ZFHX4: variants seen among roughly 807,000 people sequenced by gnomAD.
The protein encoded by ZFHX4 is zinc finger homeobox 4.
In ZFHX4, 56 loss-of-function variants were observed where a neutral mutation model predicts 267.6. The observed-to-expected ratio is 0.21, with a 90% CI of 0.17 to 0.26. The LOEUF is 0.26. ZFHX4 is among the 10% of genes least tolerant of loss of function. ZFHX4 has a pLI of 1.00. For synonymous variants in ZFHX4, 1,778 were observed against 1,665.6 expected, an observed-to-expected ratio of 1.07 and a Z score of -1.64; for missense variants, 4,332 against 4,420.0, an observed-to-expected ratio of 0.98 and a Z score of 0.56.
intron 4 of ZFHX4, among the ~76,000 whole-genome samples, chr8:76,825,388 A>G (rs10957819): frequency 0.038 from 5,774 of 152,316 alleles, 169 homozygotes; most frequent in African/African-American, 0.08. Context: ...CTGGGATTCA[A>G]GCCCAAGTGT....
At chr8:76,830,159 ATGT>A (rs1457919141) in intron 4 of ZFHX4, among the ~76,000 whole-genome samples, 1 of 152,178 alleles carries the variant, frequency 6.6e-6, no homozygotes, top group Non-Finnish European at 1.5e-5. Flanking sequence ...ATTCTGTAAA[ATGT>A]TGTTGTTGAT....
In ZFHX4 at chr8:76,681,428, G is replaced by A; in HGVS notation, c.-239G>A. 1 of 398,172 alleles carries A rather than the reference G, an allele frequency of 2.5e-6. No homozygotes were observed. The highest frequency in any genetic ancestry group is 3.6e-5 in the East Asian group (1 of 28,020). 24.7% of individuals were successfully genotyped at this position (398,172 alleles called of 1,614,324 possible). A position where few individuals can be genotyped will look rare whatever the true frequency, so the allele number is the denominator to read the frequency against. ...CTTTAACTCCTCCCGGACCCCCGAG[G>A]ACCGCTCCATGCCCCCCACTTTCTG... On this transcript the variant is annotated 5_prime_UTR_variant, in exon 1 of 11. Transcript: ENST00000651372.
intron 3 of ZFHX4, among the ~76,000 whole-genome samples, chr8:76,712,309 A>G (rs1350542386): frequency 6.6e-6 from 1 of 152,154 alleles, no homozygotes; most frequent in East Asian, 1.9e-4. Context: ...AGGCCCACAG[A>G]GGAGAATGCA....
Position 76,854,866 on chromosome 8 carries a change from G to C in ZFHX4, c.7945G>C (p.Val2649Leu), listed in dbSNP as rs1812667708. 2 of 1,611,466 alleles carry C rather than the reference G, an allele frequency of 1.2e-6. No homozygotes were observed. The highest frequency in any genetic ancestry group is 1.7e-5 in the Admixed American group (1 of 59,598). Residue 2649 changes from valine to leucine, a missense_variant, in exon 10 of 11, where the codon GTG becomes CTG. This residue lies in a region of ZFHX4 where 1,648 missense variants were observed against 1,625.0 expected (regional missense o/e 1.01). Transcript: ENST00000651372. ...CGAAGTCGGGCTGAAAAAAAGGGTC[G>C]TGCAAGTCTGGTTCCAGAATACACG... ...AREVGLKKRV[V>L]QVWFQNTRAR...
At chr8:76,747,984 C>T (rs749175582) in intron 3 of ZFHX4, among the ~76,000 whole-genome samples, 1 of 152,028 alleles carries the variant, frequency 6.6e-6, no homozygotes, top group Non-Finnish European at 1.5e-5. Flanking sequence ...ATAAAAATCC[C>T]TGTTTCTGTA....
At chr8:76,743,780 G>T (rs1202120704) in intron 3 of ZFHX4, among the ~76,000 whole-genome samples, 1 of 152,122 alleles carries the variant, frequency 6.6e-6, no homozygotes, top group African/African-American at 2.4e-5. Context: ...TAAGAAACTG[G>T]CAAGTCTAGA....
intron 4 of ZFHX4, among the ~76,000 whole-genome samples, chr8:76,805,590 CTT>C (rs34607717): frequency 2.7e-4 from 37 of 138,424 alleles, no homozygotes; most frequent in South Asian, 2.3e-4. Flanking sequence ...GACACTTAGG[CTT>C]TTTTTTTTTT....
intron 1 of ZFHX4, among the ~76,000 whole-genome samples, chr8:76,702,845 A>G (rs1460689659): frequency 6.6e-6 from 1 of 152,142 alleles, no homozygotes; most frequent in Non-Finnish European, 1.5e-5. Context: ...CACAAGTTTC[A>G]GACCACTCCA....
intron 3 of ZFHX4, among the ~76,000 whole-genome samples, chr8:76,747,827 G>T (rs896521531): frequency 2.0e-4 from 31 of 152,104 alleles, no homozygotes; most frequent in Non-Finnish European, 4.6e-4. Flanking sequence ...AGCTACTCAG[G>T]AGGCTGAAGC....
intron 4 of ZFHX4, among the ~76,000 whole-genome samples, chr8:76,810,084 C>G (rs1010085006): frequency 1.3e-5 from 2 of 152,256 alleles, no homozygotes; most frequent in Non-Finnish European, 2.9e-5. Context: ...AGTTAAGAGC[C>G]TAAGCTTGGA....
intron 3 of ZFHX4, among the ~76,000 whole-genome samples, chr8:76,714,178 G>A (rs533682780): frequency 8.6e-4 from 131 of 152,274 alleles, no homozygotes; most frequent in African/African-American, 3.0e-3. Context: ...TGCTCTCCCT[G>A]TGTGTTTCTG....
intron 3 of ZFHX4, among the ~76,000 whole-genome samples, chr8:76,715,672 T>C (rs997703629): frequency 1.7e-4 from 26 of 152,078 alleles, no homozygotes; most frequent in African/African-American, 6.0e-4. Flanking sequence ...TACAGTGTTA[T>C]TATCACAGAT....
intron 3 of ZFHX4, 150 bp downstream of exon 3, chr8:76,708,198 A>AG (rs1808332595): frequency 2.1e-6 from 2 of 965,526 alleles, no homozygotes; most frequent in Non-Finnish European, 1.5e-6. Context: ...CATTATAAAA[A>AG]CATATTGAAA....
intron 3 of ZFHX4, among the ~76,000 whole-genome samples, chr8:76,716,126 A>G (rs1028872473): frequency 5.3e-5 from 8 of 152,234 alleles, no homozygotes; most frequent in African/African-American, 1.9e-4. Flanking sequence ...AAGCTTTAAA[A>G]TAATGATTTG....
At chr8:76,715,766 A>G (rs1419803215) in intron 3 of ZFHX4, among the ~76,000 whole-genome samples, 1 of 152,160 alleles carries the variant, frequency 6.6e-6, no homozygotes, top group Non-Finnish European at 1.5e-5. Flanking sequence ...CTTTAAGGAA[A>G]TTTTGTAATC....
intron 4 of ZFHX4, among the ~76,000 whole-genome samples, chr8:76,830,657 C>T (rs540630089): frequency 5.9e-5 from 9 of 152,072 alleles, no homozygotes; most frequent in Admixed American, 5.9e-4. Flanking sequence ...ATTATTTGTA[C>T]AAGTAGCTCT....
At chr8:76,826,287 G>T (rs1661888213) in intron 4 of ZFHX4, among the ~76,000 whole-genome samples, 1 of 152,242 alleles carries the variant, frequency 6.6e-6, no homozygotes, top group East Asian at 1.9e-4. Flanking sequence ...TGAGGAATTT[G>T]CCCTTGTGAT....
chr8:76,692,987 T>C (rs982684277), intron 1 of ZFHX4, among the ~76,000 whole-genome samples: 1 of 152,184 alleles, frequency 6.6e-6, no homozygotes, highest in Non-Finnish European at 1.5e-5. Flanking sequence ...TTTTTAATAT[T>C]AATCAATATA....
rs1810547666 is a variant in ZFHX4, at chr8:76,781,549, T to A, written c.3325+3110T>A. On this transcript the variant is annotated intron_variant, in intron 4 of 10. Transcript: ENST00000651372. ...TTCTTAAACTGGGTTTCTTAACTTT[T>A]CATTTGATTTTGTTGGCATTGTGGA... 2.0e-5 allele frequency among the ~76,000 whole-genome samples: 3 copies of A among 152,222 alleles called. No homozygotes were observed. In the East Asian group the frequency reaches 5.8e-4, roughly 29 times the overall value.
Sources: gnomAD v4.1 joint callset for allele counts (sites outside exome capture counted in the v4.1 genomes callset) on GRCh38, gnomAD v4.1.1 for gene constraint, gnomAD v4.1.1 regional missense constraint, MANE v1.5 for transcripts, NCBI Gene and HGNC (gene_info 2026-07-23, HGNC 2026-07-21) for gene names.